TOX3: variants seen among roughly 807,000 people sequenced by gnomAD.
The protein encoded by TOX3 is TOX high mobility group box family member 3.
Under a neutral mutation model 64.3 loss-of-function variants are expected in TOX3, and 22 were observed. The observed-to-expected ratio is 0.34, with a 90% CI of 0.24 to 0.49. The LOEUF (loss-of-function observed/expected upper bound fraction) is 0.49. Ranked by LOEUF, TOX3 falls within the 20% of genes least tolerant of loss-of-function variation. The pLI is 0.99. For missense variants in TOX3, 661 were observed against 714.4 expected, an observed-to-expected ratio of 0.93 and a Z score of 0.85; for synonymous variants, 291 against 273.6, an observed-to-expected ratio of 1.06 and a Z score of -0.63.
chr16:52,442,875 A>G (rs938522843), intron 6 of TOX3, among the ~76,000 whole-genome samples: 2 of 152,042 alleles, frequency 1.3e-5, no homozygotes, highest in African/African-American at 4.8e-5. Context: ...TTTTGGTGTC[A>G]TTGAATTCTA....
chr16:52,533,077 G>A (rs1252089195), intron 1 of TOX3, among the ~76,000 whole-genome samples: 1 of 152,134 alleles, frequency 6.6e-6, no homozygotes, highest in Non-Finnish European at 1.5e-5. Flanking sequence ...GGCCTGGGTG[G>A]GAAAGATATG....
In TOX3 at chr16:52,521,603, T is replaced by C. The variant is rs551550987; in HGVS notation, c.87+25034A>G. On this transcript the variant is annotated intron_variant, in intron 1 of 6. Transcript: ENST00000219746. ...CTGTTACCACTAGAGTACCTAAATA[T>C]GAGTGCAGTGATCAACTGTGCGTAC... is the stretch of plus-strand genomic sequence containing the variant. Among the ~76,000 whole-genome samples, 6 of 152,334 alleles carry C rather than the reference T, an allele frequency of 3.9e-5. No individual in the cohort carries two copies. In the South Asian group the frequency reaches 6.2e-4, roughly 16 times the overall value.
chr16:52,519,135 C>A (rs547338228), intron 1 of TOX3, among the ~76,000 whole-genome samples: 1 of 152,152 alleles, frequency 6.6e-6, no homozygotes, highest in Non-Finnish European at 1.5e-5. Flanking sequence ...CCTGTTCTAG[C>A]GCTAAATGCA....
At chr16:52,442,650 G>A (rs1003585535) in intron 6 of TOX3, among the ~76,000 whole-genome samples, 9 of 152,114 alleles carry the variant, frequency 5.9e-5, no homozygotes, top group Non-Finnish European at 1.2e-4. Flanking sequence ...CTTCCTGTGC[G>A]ATCACTATAT....
chr16:52,546,985 G>T lies in TOX3; in HGVS notation c.-262C>A. ...CCGGGGCACCGAGGCAGCGCTGCGC[G>T]CGGGCCGGGCGCCGGGGGCGCGGGG... On this transcript the variant is annotated 5_prime_UTR_variant, in exon 1 of 7. Coordinates refer to ENST00000219746, the MANE Select transcript of TOX3 (RefSeq NM_001080430.4). 1 of 974,564 alleles carries T rather than the reference G, an allele frequency of 1.0e-6. No homozygotes were observed. The highest frequency in any genetic ancestry group is 1.2e-6 in the Non-Finnish European group (1 of 824,130). The allele number at this position is 974,564 out of a possible 1,614,324, so 60.4% of individuals were successfully genotyped here.
chr16:52,480,929 GTT>G (rs11454608), intron 1 of TOX3, among the ~76,000 whole-genome samples: 1 of 148,300 alleles, frequency 6.7e-6, no homozygotes, highest in Admixed American at 6.7e-5. Context: ...TCTGAAGAGA[GTT>G]TTTTTTTTTT....
At chr16:52,488,276 C>G (rs1961583972) in intron 1 of TOX3, among the ~76,000 whole-genome samples, 1 of 152,164 alleles carries the variant, frequency 6.6e-6, no homozygotes, top group Non-Finnish European at 1.5e-5. Flanking sequence ...TGTAAACCAC[C>G]TCACCTACTG....
intron 3 of TOX3, among the ~76,000 whole-genome samples, chr16:52,457,745 A>G (rs1269204222): frequency 1.3e-5 from 2 of 152,290 alleles, no homozygotes; most frequent in African/African-American, 2.4e-5. Context: ...TGTAACTCCA[A>G]TGGACCCTGA....
intron 1 of TOX3, among the ~76,000 whole-genome samples, chr16:52,493,528 C>T (rs1245046629): frequency 6.6e-6 from 1 of 152,186 alleles, no homozygotes; most frequent in Non-Finnish European, 1.5e-5. Flanking sequence ...AAGAGAATTA[C>T]TTACTGGCAA....
chr16:52,546,738 CGGGGCCG>C lies in TOX3; in HGVS notation c.-22_-16del. ...CTCACATCCATGCCGAAGCTGGGCC[CGGGGCCG>C]GGGGCCGGGACTGGGGTTCGCCGGG... On this transcript the variant is annotated 5_prime_UTR_variant, in exon 1 of 7. Transcript: ENST00000219746. 1.3e-6 allele frequency: 2 copies of C among 1,503,674 alleles called. No individual in the cohort carries two copies. The highest frequency in any genetic ancestry group is 1.2e-5 in the South Asian group (1 of 80,624). The allele number at this position is 1,503,674 out of a possible 1,614,324, so 93.1% of individuals were successfully genotyped here. A position where few individuals can be genotyped will look rare whatever the true frequency, so the allele number is the denominator to read the frequency against.
Position 52,450,378 on chromosome 16 carries a change from C to A in TOX3, c.577G>T (p.Ala193Ser), listed in dbSNP as rs776924792. The stretch of plus-strand genomic sequence containing the variant: ...GAAGGAGATGTGTGAGGCATACTGG[C>A]ACCTCCCAAATTCAACCCCAACTGG... ...SAQLGLNLGG[A>S]SMPHTSPSPP... The change falls in exon 4 of 7, where the codon GCC (alanine) becomes TCC (serine). Residue 193 changes from alanine to serine, a missense_variant. Around this residue, in one of 3 missense-constraint regions of TOX3, gnomAD observed 259 missense variants for 261.2 expected, o/e 0.99. Transcript: ENST00000219746. The A allele has an allele frequency of 6.2e-7, 1 of 1,613,880 alleles. No homozygotes were observed. The highest frequency in any genetic ancestry group is 1.3e-5 in the African/African-American group (1 of 74,920).
chr16:52,511,828 T>C (rs1962320004), intron 1 of TOX3, among the ~76,000 whole-genome samples: 2 of 149,142 alleles, frequency 1.3e-5, no homozygotes, highest in Admixed American at 6.8e-5. Context: ...CTTGAAAGTT[T>C]AGTGCATGGA....
At chr16:52,440,752 CTTTTTTTTTTTTTTT>C (rs60615310) in intron 6 of TOX3, among the ~76,000 whole-genome samples, 1,817 of 66,678 alleles carry the variant, frequency 0.027, 67 homozygotes, top group African/African-American at 0.083. Flanking sequence ...TTCTTTCTTT[CTTTTTTTTTTTTTTT>C]TTTTTTTTTT....
In TOX3 at chr16:52,546,725, C is replaced by T; in HGVS notation, c.-2G>A. ...CGCGGGGTAGAACCTCACATCCATG[C>T]CGAAGCTGGGCCCGGGGCCGGGGGC... On this transcript the variant is annotated 5_prime_UTR_variant, in exon 1 of 7. Coordinates refer to ENST00000219746, the MANE Select transcript of TOX3 (RefSeq NM_001080430.4). 6.6e-7 allele frequency: 1 copy of T among 1,514,972 alleles called. No homozygotes were observed. Among genetic ancestry groups the T allele is most frequent in the Non-Finnish European group, 8.8e-7 (1 of 1,136,312 alleles). The allele number at this position is 1,514,972 out of a possible 1,614,324, so 93.8% of individuals were successfully genotyped here. A position where few individuals can be genotyped will look rare whatever the true frequency, so the allele number is the denominator to read the frequency against.
At chr16:52,473,658 C>G (rs1596804859) in intron 1 of TOX3, among the ~76,000 whole-genome samples, 1 of 152,110 alleles carries the variant, frequency 6.6e-6, no homozygotes, top group Non-Finnish European at 1.5e-5. Context: ...ACACAAAGCC[C>G]AAAGGAGTGA....
chr16:52,498,560 C>T (rs1331243070), intron 1 of TOX3, among the ~76,000 whole-genome samples: 6 of 152,116 alleles, frequency 3.9e-5, no homozygotes, highest in African/African-American at 1.2e-4. Flanking sequence ...CTCCCAACAT[C>T]CCTGTCAAAT....
intron 4 of TOX3, among the ~76,000 whole-genome samples, chr16:52,448,924 G>T (rs1442276171): frequency 6.6e-6 from 1 of 152,146 alleles, no homozygotes; most frequent in African/African-American, 2.4e-5. Flanking sequence ...TCCTCTCTTT[G>T]TGGGTTGCTC....
At chr16:52,523,919 G>A (rs990227827) in intron 1 of TOX3, among the ~76,000 whole-genome samples, 11 of 152,100 alleles carry the variant, frequency 7.2e-5, no homozygotes, top group African/African-American at 2.7e-4. Context: ...TTAAAGCATA[G>A]CTGCTTGATA....
chr16:52,443,483 C>T (rs1293716107), intron 6 of TOX3, among the ~76,000 whole-genome samples: 1 of 152,044 alleles, frequency 6.6e-6, no homozygotes, highest in Non-Finnish European at 1.5e-5. Context: ...AGGAATGAAC[C>T]CTTTTTAAAT....
Sources: gnomAD v4.1 joint callset for allele counts (sites outside exome capture counted in the v4.1 genomes callset) on GRCh38, gnomAD v4.1.1 for gene constraint, gnomAD v4.1.1 regional missense constraint, MANE v1.5 for transcripts, NCBI Gene and HGNC (gene_info 2026-07-23, HGNC 2026-07-21) for gene names.